PDK1: variants seen among roughly 807,000 people sequenced by gnomAD.
PDK1 encodes pyruvate dehydrogenase kinase 1.
Under a neutral mutation model 54.2 loss-of-function variants are expected in PDK1, and 39 were observed. The ratio of observed to expected loss-of-function variants is 0.72; its 90% CI spans 0.56 to 0.94. PDK1 has a LOEUF of 0.94. Ranked by LOEUF, PDK1 falls within the 40% of genes least tolerant of loss-of-function variation. The probability of loss-of-function intolerance (pLI) is 0.00; values close to 1 mark genes in which losing one functional copy is unlikely to be tolerated. For synonymous variants in PDK1, 221 were observed against 207.1 expected (o/e 1.07, Z -0.58); for missense variants, 552 against 566.0 (o/e 0.98, Z 0.25).
At chr2:172,699,759 TA>T in the PDK1 span, among the ~76,000 whole-genome samples, 13,598 of 151,358 alleles carry the variant, frequency 0.09, 744 homozygotes, top group East Asian at 0.22. Flanking sequence ...TTTTTATTAT[TA>T]TTTTTTTTTT....
chr2:172,590,891 C>A (rs1363244051), intron 9 of PDK1, among the ~76,000 whole-genome samples: 1 of 152,128 alleles, frequency 6.6e-6, no homozygotes, highest in Non-Finnish European at 1.5e-5. Context: ...CCCCACCCGA[C>A]CCAGAAGCCC....
intron 9 of PDK1, among the ~76,000 whole-genome samples, chr2:172,591,058 A>G (rs927833035): frequency 3.9e-5 from 6 of 152,198 alleles, no homozygotes; most frequent in African/African-American, 1.4e-4. Flanking sequence ...TAGGCCAGTG[A>G]AAGGGCCAGC....
At chr2:172,645,162 A>G in the PDK1 span, among the ~76,000 whole-genome samples, 2 of 149,988 alleles carry the variant, frequency 1.3e-5, no homozygotes, top group African/African-American at 4.9e-5. Flanking sequence ...AAAAGTACAT[A>G]TCGTGCCCTT....
the PDK1 span, among the ~76,000 whole-genome samples, chr2:172,720,752 T>C: frequency 6.6e-6 from 1 of 152,324 alleles, no homozygotes; most frequent in Admixed American, 6.5e-5. Flanking sequence ...TCTCTTTCTC[T>C]AGCTGTAATG....
the PDK1 span, among the ~76,000 whole-genome samples, chr2:172,660,305 A>G: frequency 2.7e-5 from 3 of 112,450 alleles, no homozygotes; most frequent in Non-Finnish European, 4.9e-5. Flanking sequence ...CACCCAGGCT[A>G]GAGGGCAGTG....
chr2:172,682,833 G>T, the PDK1 span, among the ~76,000 whole-genome samples: 1 of 152,084 alleles, frequency 6.6e-6, no homozygotes, highest in African/African-American at 2.4e-5. Context: ...AATGGTGGTG[G>T]CCTGGAAAAA....
the PDK1 span, among the ~76,000 whole-genome samples, chr2:172,617,697 G>A: frequency 7.9e-5 from 12 of 152,272 alleles, no homozygotes; most frequent in East Asian, 2.3e-3. Flanking sequence ...CAGTGCTGTT[G>A]CATTGGGGAT....
At chr2:172,618,779 C>G in the PDK1 span, among the ~76,000 whole-genome samples, 6 of 152,140 alleles carry the variant, frequency 3.9e-5, no homozygotes, top group African/African-American at 1.4e-4. Context: ...AAGAAGCTTT[C>G]CTACAGTGTG....
the PDK1 span, among the ~76,000 whole-genome samples, chr2:172,711,439 G>A: frequency 6.6e-6 from 1 of 152,168 alleles, no homozygotes; most frequent in Non-Finnish European, 1.5e-5. Flanking sequence ...AATAAATAAT[G>A]GTTAAATGTG....
the PDK1 span, among the ~76,000 whole-genome samples, chr2:172,666,214 C>T: frequency 2.6e-5 from 4 of 152,188 alleles, no homozygotes; most frequent in East Asian, 7.7e-4. Context: ...GTCCCACTAA[C>T]CTACTACACA....
rs550077476 is a variant in PDK1, at chr2:172,560,735, G to C, written c.339-1485G>C. Among the ~76,000 whole-genome samples the C allele has an allele frequency of 7.9e-5, 12 of 152,304 alleles. No homozygotes were observed. The South Asian group carries it at 2.5e-3, about 32-fold the overall frequency. The stretch of plus-strand genomic sequence containing the variant: ...AATTAGAAGTTTTTGGAATTGTGTA[G>C]AAAAAGTGTGATCTCTTCCCAAAGA... On this transcript the variant is annotated intron_variant, in intron 2 of 10. Transcript: ENST00000282077.
rs1485202795 is a variant in PDK1, at chr2:172,601,610, G to C, written c.*5641G>C. On this transcript the variant is annotated 3_prime_UTR_variant, in exon 11 of 11. Coordinates refer to ENST00000282077, the MANE Select transcript of PDK1 (RefSeq NM_002610.5). The stretch of plus-strand genomic sequence containing the variant: ...TTCTGGAGGCTTCTGCAGCCTTGCG[G>C]AACTGTGAGTCAATCCTTTTTATTA... The C allele has an allele frequency of 6.6e-6, 1 of 152,244 alleles. No individual in the cohort carries two copies. The highest frequency in any genetic ancestry group is 1.5e-5 in the Non-Finnish European group (1 of 68,058). 9.4% of individuals were successfully genotyped at this position (152,244 alleles called of 1,614,324 possible). A position where few individuals can be genotyped will look rare whatever the true frequency, so the allele number is the denominator to read the frequency against.
intron 1 of PDK1, among the ~76,000 whole-genome samples, chr2:172,557,496 G>C (rs1688400120): frequency 6.6e-6 from 1 of 152,142 alleles, no homozygotes; most frequent in Non-Finnish European, 1.5e-5. Flanking sequence ...AGAGGGGTCA[G>C]GAGACTTTCA....
the PDK1 span, among the ~76,000 whole-genome samples, chr2:172,701,904 T>G: frequency 6.6e-6 from 1 of 152,200 alleles, no homozygotes; most frequent in African/African-American, 2.4e-5. Flanking sequence ...AGGATTCCCT[T>G]TAGTATTGCG....
the PDK1 span, among the ~76,000 whole-genome samples, chr2:172,658,790 G>A: frequency 3.9e-5 from 6 of 152,106 alleles, no homozygotes; most frequent in African/African-American, 1.4e-4. Flanking sequence ...GCTTATTAGG[G>A]TGGGGAAAAA....
rs757920681 is a variant in PDK1 at position 172,558,792 on chromosome 2, TAA to T, written c.282_283del (p.Ile94MetfsTer6). 2.5e-6 allele frequency: 4 copies of T among 1,611,794 alleles called. No individual in the cohort carries two copies. The highest frequency in any genetic ancestry group is 3.4e-5 in the Admixed American group (2 of 59,338). On this transcript the variant is annotated frameshift_variant, in exon 2 of 11. Transcript: ENST00000282077. LOFTEE classifies it high-confidence loss of function. ...AGACTGGCAAATATAATGAAAGAAA[TAA>T]GTCTCCTTCCAGATAATCTTCTCAG...
the PDK1 span, among the ~76,000 whole-genome samples, chr2:172,676,844 T>A: frequency 1.3e-5 from 2 of 152,170 alleles, no homozygotes; most frequent in Non-Finnish European, 2.9e-5. Context: ...TGAATCCATG[T>A]GGCAAACTTC....
At chr2:172,706,424 C>CT in the PDK1 span, among the ~76,000 whole-genome samples, 252 of 141,214 alleles carry the variant, frequency 1.8e-3, no homozygotes, top group East Asian at 3.7e-3. Context: ...TGTCAATTGT[C>CT]TTTTTTTTTT....
the PDK1 span, among the ~76,000 whole-genome samples, chr2:172,689,854 A>G: frequency 6.6e-6 from 1 of 150,404 alleles, no homozygotes; most frequent in Non-Finnish European, 1.5e-5. Flanking sequence ...TTAATTCAAG[A>G]TGGATTAAAG....
Sources: allele counts gnomAD v4.1 joint callset (sites outside exome capture counted in the v4.1 genomes callset), GRCh38; gene constraint gnomAD v4.1.1; transcripts MANE v1.5; gene names NCBI Gene and HGNC (gene_info 2026-07-23, HGNC 2026-07-21).